The following BBS9 variants were observed in gnomAD, a reference collection of about 807,000 sequenced individuals.
BBS9 encodes Bardet-Biedl syndrome 9.
In BBS9, 89 loss-of-function variants were observed where a neutral mutation model predicts 117.7. The observed-to-expected ratio is 0.76, with a 90% confidence interval of 0.64 to 0.90. The LOEUF is 0.90. Ranked by LOEUF, BBS9 falls within the 40% of genes least tolerant of loss-of-function variation. The probability of loss-of-function intolerance (pLI) is 0.00; values close to 1 mark genes in which losing one functional copy is unlikely to be tolerated. For synonymous variants in BBS9, 379 were observed against 370.9 expected (o/e 1.02, Z -0.25); for missense variants, 982 against 1,042.2 (o/e 0.94, Z 0.80).
At chr7:33,165,961 A>G (rs183109120) in intron 4 of BBS9, among the ~76,000 whole-genome samples, 116 of 152,236 alleles carry the variant, frequency 7.6e-4, no homozygotes, top group Non-Finnish European at 2.1e-4. Context: ...GTTTCTCCCC[A>G]TCTTTGTGGT....
intron 5 of BBS9, among the ~76,000 whole-genome samples, chr7:33,191,022 C>T (rs1784033890): frequency 6.6e-6 from 1 of 152,150 alleles, no homozygotes. Flanking sequence ...GAGGAGGTCC[C>T]TTACAGCAAG....
At chr7:33,151,097 C>T (rs1793234778) in intron 2 of BBS9, among the ~76,000 whole-genome samples, 2 of 152,054 alleles carry the variant, frequency 1.3e-5, no homozygotes, top group Admixed American at 6.6e-5. Flanking sequence ...ACAAAAAATA[C>T]AAAAATTAGC....
intron 17 of BBS9, among the ~76,000 whole-genome samples, chr7:33,378,258 G>T (rs1352825510): frequency 2.0e-5 from 3 of 152,170 alleles, no homozygotes; most frequent in African/African-American, 7.2e-5. Flanking sequence ...TCACTAGAAT[G>T]AGGACTAGGA....
intron 9 of BBS9, among the ~76,000 whole-genome samples, chr7:33,302,888 A>G (rs1806795428): frequency 6.6e-6 from 1 of 152,182 alleles, no homozygotes; most frequent in Admixed American, 6.5e-5. Context: ...CATTTTAACA[A>G]TATTGATTCT....
chr7:33,260,790 A>G (rs73097292), intron 6 of BBS9, among the ~76,000 whole-genome samples: 15,881 of 152,144 alleles, frequency 0.1, 1,171 homozygotes, highest in Non-Finnish European at 0.16. Flanking sequence ...TCGAGGTGGG[A>G]CCTCTAAGAG....
In BBS9 at chr7:33,509,916, T is replaced by C. The variant is rs144420754; in HGVS notation, c.2298+4271T>C. Among the ~76,000 whole-genome samples the C allele has an allele frequency of 9.6e-3, 1,457 of 152,352 alleles. 26 individuals carry two copies. Among genetic ancestry groups the C allele is most frequent in the African/African-American group, 0.033 (1,372 of 41,574 alleles). On this transcript the variant is annotated intron_variant, in intron 20 of 22. Transcript: ENST00000242067. ...AATTAATCGTTGTCTGTGATCTGTC[T>C]CTTTAATGATGCCTTTCCATTTTTG... is the stretch of plus-strand genomic sequence containing the variant.
Position 33,257,227 on chromosome 7 carries a change from C to G in BBS9, c.443-9C>G. The G allele has an allele frequency of 6.3e-7, 1 of 1,588,282 alleles. No individual in the cohort carries two copies. The highest frequency in any genetic ancestry group is 1.3e-5 in the African/African-American group (1 of 74,558). ...ATAGATTATCTAATTTTCTCTAATT[C>G]TTCTTTAGGTCGAGATTTAATTTGC... On this transcript the variant is annotated splice_polypyrimidine_tract_variant and intron_variant, in intron 5 of 22. Transcript: ENST00000242067.
intron 5 of BBS9, among the ~76,000 whole-genome samples, chr7:33,228,586 A>G (rs1791734254): frequency 6.6e-6 from 1 of 152,162 alleles, no homozygotes; most frequent in African/African-American, 2.4e-5. Flanking sequence ...AACTATTATT[A>G]GCCTACTGTT....
At chr7:33,399,918 C>T (rs1828634052) in intron 19 of BBS9, among the ~76,000 whole-genome samples, 1 of 151,938 alleles carries the variant, frequency 6.6e-6, no homozygotes, top group Admixed American at 6.6e-5. Context: ...GAGAACAGAC[C>T]TATTATCGTA....
At chr7:33,141,551 AGAGAT>A (rs1475193131) in intron 1 of BBS9, among the ~76,000 whole-genome samples, 3 of 152,174 alleles carry the variant, frequency 2.0e-5, no homozygotes, top group African/African-American at 7.2e-5. Flanking sequence ...TATTCCTTGT[AGAGAT>A]GGGGTCTCCC....
chr7:33,531,278 C>G (rs529362716), intron 20 of BBS9, among the ~76,000 whole-genome samples: 1 of 152,132 alleles, frequency 6.6e-6, no homozygotes, highest in Admixed American at 6.5e-5. Flanking sequence ...GAGCGAGCCT[C>G]ATAAACCTAG....
intron 21 of BBS9, among the ~76,000 whole-genome samples, chr7:33,602,481 C>G (rs1863949254): frequency 6.6e-6 from 1 of 152,132 alleles, no homozygotes; most frequent in Non-Finnish European, 1.5e-5. Flanking sequence ...GTAATCCCAG[C>G]ACTTTGGGAG....
intron 4 of BBS9, among the ~76,000 whole-genome samples, chr7:33,162,973 A>ATG (rs1795094011): frequency 1.3e-5 from 2 of 152,164 alleles, no homozygotes; most frequent in Non-Finnish European, 2.9e-5. Context: ...GGTTTCTCAT[A>ATG]AGTAGCTCTT....
intron 19 of BBS9, among the ~76,000 whole-genome samples, chr7:33,408,032 C>T (rs1372002627): frequency 6.6e-6 from 1 of 152,236 alleles, no homozygotes; most frequent in Non-Finnish European, 1.5e-5. Context: ...TGTGCCCTGC[C>T]CCCAGAGGTG....
chr7:33,299,875 A>C (rs980843904), intron 9 of BBS9, among the ~76,000 whole-genome samples: 4 of 152,100 alleles, frequency 2.6e-5, no homozygotes, highest in African/African-American at 7.2e-5. Context: ...TTTTGACTTT[A>C]GTGTTGGGGT....
At chr7:33,303,522 T>TCCCCCCCCCCC (rs758450052) in intron 9 of BBS9, among the ~76,000 whole-genome samples, 6 of 77,020 alleles carry the variant, frequency 7.8e-5, no homozygotes, top group Non-Finnish European at 1.4e-4. Context: ...AATGATCCCC[T>TCCCCCCCCCCC]CCCCCCGCCC....
At chr7:33,325,798 A>G (rs1812696576) in intron 9 of BBS9, among the ~76,000 whole-genome samples, 1 of 152,066 alleles carries the variant, frequency 6.6e-6, no homozygotes, top group Non-Finnish European at 1.5e-5. Context: ...ATTACTAGGG[A>G]GAGACTCTTG....
intron 9 of BBS9, among the ~76,000 whole-genome samples, chr7:33,327,363 A>G (rs1445002470): frequency 6.6e-6 from 1 of 152,114 alleles, no homozygotes; most frequent in African/African-American, 2.4e-5. Context: ...CATGTATAGA[A>G]GTGGAGAGGC....
At chr7:33,139,379 C>CT (rs1170920923) in intron 1 of BBS9, among the ~76,000 whole-genome samples, 1 of 150,830 alleles carries the variant, frequency 6.6e-6, no homozygotes, top group African/African-American at 2.4e-5. Context: ...TCTTTTGATT[C>CT]TTTTTTTGTC....
Sources: gnomAD v4.1 joint callset for allele counts (sites outside exome capture counted in the v4.1 genomes callset) on GRCh38, gnomAD v4.1.1 for gene constraint, MANE v1.5 for transcripts, NCBI Gene and HGNC (gene_info 2026-07-23, HGNC 2026-07-21) for gene names.